Variants in SULF1 observed in about 807,000 individuals in gnomAD.
SULF1 encodes the protein sulfatase 1.
Under a neutral mutation model 110.5 loss-of-function variants are expected in SULF1, and 46 were observed. The observed-to-expected ratio is 0.42, with a 90% confidence interval of 0.33 to 0.53. SULF1 has a LOEUF of 0.53. Among genes scored for constraint, SULF1 ranks in the 20% least tolerant of loss-of-function variants. The probability of loss-of-function intolerance (pLI) is 0.12; values close to 1 mark genes in which losing one functional copy is unlikely to be tolerated. For synonymous variants in SULF1, 371 were observed against 387.1 expected (o/e 0.96, Z 0.49); for missense variants, 941 against 1,094.2 (o/e 0.86, Z 1.98).
intron 6 of SULF1, among the ~76,000 whole-genome samples, chr8:69,578,151 G>C (rs1449416789): frequency 1.3e-5 from 2 of 152,162 alleles, no homozygotes; most frequent in African/African-American, 4.8e-5. Context: ...AAACAATTCA[G>C]TTGCCTCTAA....
rs1641850724 is a variant in SULF1, at chr8:69,588,980, C to T, written c.573C>T (p.Phe191=). ...KHGFDYAKDY[F]TDLITNESIN... ...TCAAATGTATGTTTCAGGACTACTT[C>T]ACAGACTTAATCACTAACGAGAGCA... The change falls in exon 8 of 23, where the codon TTC becomes TTT. Residue 191 remains phenylalanine, a synonymous_variant. Coordinates refer to ENST00000402687, the MANE Select transcript of SULF1 (RefSeq NM_001128205.2). 1 of 1,612,682 alleles carries T rather than the reference C, an allele frequency of 6.2e-7. No individual in the cohort carries two copies. The highest frequency in any genetic ancestry group is 1.1e-5 in the South Asian group (1 of 91,004).
At chr8:69,485,917 C>T (rs1397471022) in intron 1 of SULF1, among the ~76,000 whole-genome samples, 1 of 152,194 alleles carries the variant, frequency 6.6e-6, no homozygotes, top group East Asian at 1.9e-4. Flanking sequence ...CAAACACCAA[C>T]CCTAACACTC....
At chr8:69,489,597 G>C (rs1428317224), upstream of SULF1, among the ~76,000 whole-genome samples, 4 of 97,054 alleles carry the variant, frequency 4.1e-5, no homozygotes, top group Non-Finnish European at 1.9e-5. Flanking sequence ...TTTTTTTTGA[G>C]ATGGAGTCTT....
rs769330430 is a variant in SULF1 at position 69,638,475 on chromosome 8, G to T, written c.2285-27G>T. On this transcript the variant is annotated intron_variant, in intron 19 of 22. Coordinates refer to ENST00000402687, the MANE Select transcript of SULF1 (RefSeq NM_001128205.2). ...TAAGGTTTTTCACTCTTTTTGTTTT[G>T]TTGTGTTTTTCTTTTTTACCCAACA... The T allele has an allele frequency of 1.0e-5, 16 of 1,605,318 alleles. No homozygotes were observed. In the South Asian group the frequency reaches 1.7e-4, roughly 17 times the overall value.
intron 3 of SULF1, among the ~76,000 whole-genome samples, chr8:69,521,023 G>A (rs10283366): frequency 0.53 from 79,977 of 151,974 alleles, 21,721 homozygotes; most frequent in South Asian, 0.65. Flanking sequence ...AAAATTTCTC[G>A]GCTGCTTGGA....
At chr8:69,545,061 A>C (rs974986712) in intron 3 of SULF1, among the ~76,000 whole-genome samples, 1 of 149,314 alleles carries the variant, frequency 6.7e-6, no homozygotes, top group Admixed American at 6.8e-5. Context: ...GAATCCTAAA[A>C]AATTATAAAA....
At chr8:69,513,615 A>G (rs1811722334) in intron 3 of SULF1, among the ~76,000 whole-genome samples, 1 of 152,244 alleles carries the variant, frequency 6.6e-6, no homozygotes, top group Admixed American at 6.5e-5. Context: ...AGGCATCAGA[A>G]AAGCCACATT....
intron 19 of SULF1, among the ~76,000 whole-genome samples, chr8:69,630,091 T>G (rs1056764665): frequency 6.6e-6 from 1 of 152,232 alleles, no homozygotes; most frequent in Non-Finnish European, 1.5e-5. Context: ...AGAAAAAGAA[T>G]GGTAAAAGCC....
intron 13 of SULF1, among the ~76,000 whole-genome samples, chr8:69,611,691 C>T (rs936880196): frequency 2.0e-5 from 3 of 152,132 alleles, no homozygotes; most frequent in Non-Finnish European, 4.4e-5. Flanking sequence ...CACAAAATTA[C>T]TATACAGTTG....
chr8:69,502,680 C>CTTTCTTTTTCTTTTTT (rs1810890406), intron 3 of SULF1, among the ~76,000 whole-genome samples: 3 of 116,452 alleles, frequency 2.6e-5, no homozygotes, highest in Non-Finnish European at 3.7e-5. Context: ...TTTTCTTTTT[C>CTTTCTTTTTCTTTTTT]TTTTTTTTTC....
chr8:69,505,933 T>A (rs1352415381), intron 3 of SULF1, among the ~76,000 whole-genome samples: 1 of 152,046 alleles, frequency 6.6e-6, no homozygotes, highest in Non-Finnish European at 1.5e-5. Flanking sequence ...CCAAATCAGT[T>A]GGTCTTTTCT....
rs1217208102 is a variant in SULF1 at position 69,627,813 on chromosome 8, G to A, written c.1989G>A (p.Val663=). ...ATAAAATTAAGAATTTAAGAGAAGT[G>A]AGAGGACATCTGAAGAGAAGGAAGC... ...LQDKIKNLRE[V]RGHLKRRKPE... is the part of the protein sequence containing the mutation. Residue 663 remains valine (V), a synonymous_variant, in exon 17 of 23, where the codon GTG becomes GTA. Transcript: ENST00000402687. 1 of 1,613,546 alleles carries A rather than the reference G, an allele frequency of 6.2e-7. No individual in the cohort carries two copies. The highest frequency in any genetic ancestry group is 8.5e-7 in the Non-Finnish European group (1 of 1,179,814).
At chr8:69,524,402 C>G (rs551364504) in intron 3 of SULF1, among the ~76,000 whole-genome samples, 42 of 152,178 alleles carry the variant, frequency 2.8e-4, no homozygotes, top group Middle Eastern at 3.4e-3. Context: ...GCAAGCAGTT[C>G]ACATGGTGAG....
intron 5 of SULF1, among the ~76,000 whole-genome samples, chr8:69,566,705 G>T (rs1205910544): frequency 6.6e-6 from 1 of 152,096 alleles, no homozygotes; most frequent in Non-Finnish European, 1.5e-5. Flanking sequence ...ACAAAAATTA[G>T]CCAGGCATGG....
At chr8:69,627,380 G>A in intron 16 of SULF1, 74 bp downstream of exon 16, 2 of 1,074,432 alleles carry the variant, frequency 1.9e-6, no homozygotes, top group Non-Finnish European at 1.4e-6. Context: ...TGTGTCTGGT[G>A]GGACATACCA....
At chr8:69,479,849 G>A (rs990596229) in intron 1 of SULF1, among the ~76,000 whole-genome samples, 10 of 152,078 alleles carry the variant, frequency 6.6e-5, no homozygotes, top group African/African-American at 1.9e-4. Context: ...AAATTCTACC[G>A]GGATGAAAAT....
intron 1 of SULF1, among the ~76,000 whole-genome samples, chr8:69,475,770 G>C (rs1232710589): frequency 1.3e-5 from 2 of 152,152 alleles, no homozygotes; most frequent in African/African-American, 2.4e-5. Flanking sequence ...TATATGTGCT[G>C]CTGAAGCAAG....
At chr8:69,602,566 G>A (rs1389284906) in intron 10 of SULF1, among the ~76,000 whole-genome samples, 1 of 152,226 alleles carries the variant, frequency 6.6e-6, no homozygotes. Flanking sequence ...GCCCCTCTCA[G>A]ATCCCTGATT....
intron 19 of SULF1, among the ~76,000 whole-genome samples, chr8:69,635,585 C>CTCT (rs1298656542): frequency 6.6e-6 from 1 of 152,148 alleles, no homozygotes; most frequent in Non-Finnish European, 1.5e-5. Flanking sequence ...TAAGAGTAAA[C>CTCT]TCTTGCCCGG....
Sources: allele counts gnomAD v4.1 joint callset (sites outside exome capture counted in the v4.1 genomes callset), GRCh38; gene constraint gnomAD v4.1.1; transcripts MANE v1.5; gene names NCBI Gene and HGNC (gene_info 2026-07-23, HGNC 2026-07-21).